The following FAM162A variants were observed in gnomAD, a reference collection of about 807,000 sequenced individuals.
FAM162A encodes the protein family with sequence similarity 162 member A.
A neutral mutation model predicts 21.8 loss-of-function variants in FAM162A; 23 were observed. That is an observed-to-expected ratio of 1.05 (90% CI 0.76 to 1.49). FAM162A has a LOEUF of 1.49. FAM162A is among the 40% of genes most tolerant of loss of function. The pLI is 0.00. For missense variants in FAM162A, 165 were observed against 186.4 expected (o/e 0.89, Z 0.67); for synonymous variants, 53 against 61.3 (o/e 0.86, Z 0.64).
At chr3:122,389,426 G>T (rs951990983) in intron 1 of FAM162A, among the ~76,000 whole-genome samples, 1 of 151,222 alleles carries the variant, frequency 6.6e-6, no homozygotes, top group African/African-American at 2.4e-5. Flanking sequence ...TAGATAGATA[G>T]ATAGATAGAT....
intron 1 of FAM162A, among the ~76,000 whole-genome samples, chr3:122,388,250 G>GT (rs1186952569): frequency 6.6e-6 from 1 of 152,180 alleles, no homozygotes; most frequent in Non-Finnish European, 1.5e-5. Flanking sequence ...TTAAAGACAA[G>GT]TTTTTTAATG....
rs2075589277 is a variant in FAM162A at position 122,389,390 on chromosome 3, GATA to G, written c.34+5092_34+5094del. On this transcript the variant is annotated intron_variant, in intron 1 of 4. Transcript: ENST00000477892. Reference sequence around the variant, plus strand: ...GGAAAGTAGTATAGATGGATAGATAGATAGATAGATAGATAGATAGATAGATAG... The same window carrying G: ...GGAAAGTAGTATAGATGGATAGATAGGATAGATAGATAGATAGATAGATAG... Among the ~76,000 whole-genome samples, 291 of 47,120 alleles carry G rather than the reference GATA, an allele frequency of 6.2e-3. 1 individual carries two copies. The highest frequency in any genetic ancestry group is 0.011 in the African/African-American group (157 of 14,328). 30.9% of individuals were successfully genotyped at this position (47,120 alleles called of 152,430 possible). A position where few individuals can be genotyped will look rare whatever the true frequency, so the allele number is the denominator to read the frequency against.
chr3:122,405,860 G>A (rs2075674583), intron 3 of FAM162A, among the ~76,000 whole-genome samples: 1 of 152,114 alleles, frequency 6.6e-6, no homozygotes, highest in African/African-American at 2.4e-5. Flanking sequence ...TCAGTTTGTG[G>A]TTAGTGGAAT....
chr3:122,394,264 G>T (rs1410071419), intron 1 of FAM162A, among the ~76,000 whole-genome samples: 1 of 152,088 alleles, frequency 6.6e-6, no homozygotes, highest in African/African-American at 2.4e-5. Context: ...CAACACTGGG[G>T]GTTACATTTC....
chr3:122,398,303 A>G (rs1560000707), intron 1 of FAM162A, among the ~76,000 whole-genome samples: 2 of 152,204 alleles, frequency 1.3e-5, no homozygotes, highest in Admixed American at 6.5e-5. Context: ...TGTCTGCTAA[A>G]AAAAAAAGAT....
At chr3:122,391,155 A>C (rs1221933498) in intron 1 of FAM162A, among the ~76,000 whole-genome samples, 1 of 152,206 alleles carries the variant, frequency 6.6e-6, no homozygotes, top group Non-Finnish European at 1.5e-5. Flanking sequence ...CAAATACTTC[A>C]GACATTTTTT....
Position 122,402,780 on chromosome 3 carries a change from G to A in FAM162A, c.55G>A (p.Glu19Lys), listed in dbSNP as rs778487652. 1.8e-5 allele frequency: 28 copies of A among 1,563,848 alleles called. 1 individual carries two copies. Among genetic ancestry groups the A allele is most frequent in the Non-Finnish European group, 4.3e-6 (5 of 1,157,278 alleles). ...LAAGSCFRLC[E>K]RDVSSSLRLT... is the part of the protein sequence containing the mutation. ...TTTAGGAAGCTGTTTTAGGTTATGTGAAAGAGATGTTTCCTCATCTCTAAG... is the reference window on the plus strand; with the variant it reads ...TTTAGGAAGCTGTTTTAGGTTATGTAAAAGAGATGTTTCCTCATCTCTAAG... The change falls in exon 2 of 5, where the codon GAA becomes AAA. Residue 19 changes from glutamate (E) to lysine (K), a missense_variant. Physicochemically the swap from Glu to Lys is moderately conservative, Grantham distance 56 (BLOSUM62 1). Coordinates refer to ENST00000477892, the MANE Select transcript of FAM162A (RefSeq NM_014367.4).
chr3:122,404,231 A>C (rs776066316), intron 2 of FAM162A, 27 bp from the exon 3 acceptor site: 1 of 1,208,924 alleles, frequency 8.3e-7, no homozygotes, highest in Non-Finnish European at 1.2e-6. Flanking sequence ...CAAACACATA[A>C]AATTTCTTGT....
chr3:122,400,807 C>T (rs957774434), intron 1 of FAM162A, among the ~76,000 whole-genome samples: 1 of 151,318 alleles, frequency 6.6e-6, no homozygotes, highest in Non-Finnish European at 1.5e-5. Flanking sequence ...AGCCTGGGCA[C>T]CAAGAGCGAA....
At chr3:122,408,221 C>T (rs990067799) in intron 4 of FAM162A, among the ~76,000 whole-genome samples, 2 of 152,208 alleles carry the variant, frequency 1.3e-5, no homozygotes, top group African/African-American at 4.8e-5. Flanking sequence ...CCCAAACTCA[C>T]ACAGCTAACA....
chr3:122,393,110 C>T (rs2075611449), intron 1 of FAM162A, among the ~76,000 whole-genome samples: 1 of 152,146 alleles, frequency 6.6e-6, no homozygotes, highest in Non-Finnish European at 1.5e-5. Context: ...TTGCCAGATC[C>T]AGGCAAAGCT....
chr3:122,387,195 A>G (rs2075579062), intron 1 of FAM162A, among the ~76,000 whole-genome samples: 1 of 152,244 alleles, frequency 6.6e-6, no homozygotes, highest in African/African-American at 2.4e-5. Flanking sequence ...AATAAAATAG[A>G]TATAACTTTT....
chr3:122,385,980 T>C (rs2075572613), intron 1 of FAM162A, among the ~76,000 whole-genome samples: 1 of 152,232 alleles, frequency 6.6e-6, no homozygotes, highest in South Asian at 2.1e-4. Context: ...CAGAGATGAC[T>C]TGTCCAGGAT....
At chr3:122,386,251 A>T (rs1344468741) in intron 1 of FAM162A, among the ~76,000 whole-genome samples, 1 of 152,220 alleles carries the variant, frequency 6.6e-6, no homozygotes, top group African/African-American at 2.4e-5. Context: ...GGAATGAAAG[A>T]TCAAATAGAA....
At chr3:122,395,158 C>T (rs2075621656) in intron 1 of FAM162A, among the ~76,000 whole-genome samples, 1 of 152,328 alleles carries the variant, frequency 6.6e-6, no homozygotes. Flanking sequence ...CCACAACTAA[C>T]ATCGGACTTA....
At chr3:122,404,452 C>CT in intron 3 of FAM162A, 89 bp downstream of exon 3, 1 of 607,732 alleles carries the variant, frequency 1.6e-6, no homozygotes, top group Non-Finnish European at 2.8e-6. Flanking sequence ...CTGTTTAAAA[C>CT]TTTTCAACCA....
intron 1 of FAM162A, among the ~76,000 whole-genome samples, chr3:122,400,670 C>CAA (rs371655862): frequency 5.3e-5 from 8 of 151,586 alleles, no homozygotes; most frequent in Non-Finnish European, 1.2e-4. Flanking sequence ...ACTAAAAATA[C>CAA]AAAAAAATTA....
At position 122,384,196 on chromosome 3, in the gene FAM162A, T is replaced by A. The variant is rs1559997240; in HGVS notation, c.-70T>A. 11 of 1,542,808 alleles carry A rather than the reference T, an allele frequency of 7.1e-6. No homozygotes were observed. Among genetic ancestry groups the A allele is most frequent in the Non-Finnish European group, 7.9e-6 (9 of 1,141,130 alleles). ...GCGTCCTTCCCACTCCAACGCTGGG[T>A]GACATTGAGCTCACCAGCGCCACCG... is the stretch of plus-strand genomic sequence containing the variant. On this transcript the variant is annotated 5_prime_UTR_variant, in exon 1 of 5. Transcript: ENST00000477892.
At chr3:122,403,824 T>C (rs749784694) in intron 2 of FAM162A, among the ~76,000 whole-genome samples, 1 of 152,234 alleles carries the variant, frequency 6.6e-6, no homozygotes, top group Non-Finnish European at 1.5e-5. Context: ...CACCATGGTA[T>C]TACAGGCTCC....
Sources: gnomAD v4.1 joint callset for allele counts (sites outside exome capture counted in the v4.1 genomes callset) on GRCh38, gnomAD v4.1.1 for gene constraint, MANE v1.5 for transcripts, NCBI Gene and HGNC (gene_info 2026-07-23, HGNC 2026-07-21) for gene names.